The following STK3 variants were observed in gnomAD, a reference collection of about 807,000 sequenced individuals.
STK3 encodes the protein serine/threonine-protein kinase 3.
Under a neutral mutation model 58.0 loss-of-function variants are expected in STK3, and 41 were observed. The observed-to-expected ratio is 0.71, with a 90% CI of 0.55 to 0.92. STK3 has a LOEUF of 0.92. STK3 is among the 40% of genes least tolerant of loss of function. STK3 has a pLI of 0.00. For missense variants in STK3, 479 were observed against 602.7 expected, an observed-to-expected ratio of 0.79 and a Z score of 2.15; for synonymous variants, 170 against 191.0, an observed-to-expected ratio of 0.89 and a Z score of 0.91.
intron 1 of STK3, among the ~76,000 whole-genome samples, chr8:98,922,557 A>C (rs562814384): frequency 2.6e-5 from 4 of 152,274 alleles, no homozygotes; most frequent in Non-Finnish European, 5.9e-5. Context: ...CACCTAGCTC[A>C]GAACCTGGTA....
intron 3 of STK3, among the ~76,000 whole-genome samples, chr8:98,837,363 CA>C (rs533620773): frequency 0.09 from 5,699 of 63,280 alleles, 75 homozygotes; most frequent in South Asian, 0.15. Context: ...TGGAGCTCAG[CA>C]AAAAAAAAAA....
chr8:98,417,119 T>C (rs1416137644), intron 3 of STK3, among the ~76,000 whole-genome samples: 1 of 152,066 alleles, frequency 6.6e-6, no homozygotes, highest in African/African-American at 2.4e-5. Flanking sequence ...TGGGGAGGTG[T>C]TCAGGAACCT....
chr8:98,604,732 C>G (rs1816636306), intron 6 of STK3, among the ~76,000 whole-genome samples: 1 of 152,168 alleles, frequency 6.6e-6, no homozygotes, highest in African/African-American at 2.4e-5. Context: ...TTTTTCTTTT[C>G]TACCACATGG....
intron 9 of STK3, among the ~76,000 whole-genome samples, chr8:98,530,589 G>A (rs1826097007): frequency 6.6e-6 from 1 of 152,212 alleles, no homozygotes; most frequent in Non-Finnish European, 1.5e-5. Flanking sequence ...AGGCACCTGT[G>A]CTGCTTAGAA....
chr8:98,765,683 G>T (rs1198084261), intron 3 of STK3, among the ~76,000 whole-genome samples: 2 of 152,222 alleles, frequency 1.3e-5, no homozygotes, highest in African/African-American at 2.4e-5. Flanking sequence ...GTAGCCATGA[G>T]ATAATAAGCA....
chr8:98,861,770 G>A (rs1478053922), intron 3 of STK3, among the ~76,000 whole-genome samples: 1 of 152,180 alleles, frequency 6.6e-6, no homozygotes, highest in Non-Finnish European at 1.5e-5. Flanking sequence ...AGATAGTAAT[G>A]AGGCACTTGC....
intron 2 of STK3, among the ~76,000 whole-genome samples, chr8:98,435,818 G>T (rs2131084016): frequency 6.6e-6 from 1 of 152,300 alleles, no homozygotes; most frequent in Middle Eastern, 3.4e-3. Context: ...GCAGCACCCT[G>T]AGGGAGCCTG....
downstream of STK3, among the ~76,000 whole-genome samples, chr8:98,368,815 G>A (rs1339487437): frequency 6.6e-6 from 1 of 152,166 alleles, no homozygotes; most frequent in Non-Finnish European, 1.5e-5. Context: ...CTGTAACTTG[G>A]TGACCTTACG....
intron 3 of STK3, among the ~76,000 whole-genome samples, chr8:98,853,946 C>A (rs1367680489): frequency 6.6e-6 from 1 of 152,094 alleles, no homozygotes; most frequent in Non-Finnish European, 1.5e-5. Flanking sequence ...ACAAACTCTT[C>A]CAAAAATAGA....
chr8:98,520,617 T>C (rs1373799664), intron 10 of STK3, among the ~76,000 whole-genome samples: 2 of 152,154 alleles, frequency 1.3e-5, no homozygotes, highest in East Asian at 3.9e-4. Context: ...GAAAATATGG[T>C]CAAAACAACT....
chr8:98,807,721 A>G (rs1474793862), intron 1 of STK3, among the ~76,000 whole-genome samples: 1 of 152,228 alleles, frequency 6.6e-6, no homozygotes, highest in Non-Finnish European at 1.5e-5. Context: ...TAAAGGAGGA[A>G]AAGATAGAAA....
downstream of STK3, among the ~76,000 whole-genome samples, chr8:98,453,830 C>T (rs552792429): frequency 6.6e-6 from 1 of 151,880 alleles, no homozygotes; most frequent in East Asian, 1.9e-4. Flanking sequence ...CATTTGATTC[C>T]ATCAAATCAG....
At chr8:98,645,112 A>C (rs1293796321) in intron 6 of STK3, among the ~76,000 whole-genome samples, 2 of 152,338 alleles carry the variant, frequency 1.3e-5, no homozygotes, top group East Asian at 3.9e-4. Flanking sequence ...GGAGTTCATA[A>C]AGTTGAAATT....
At chr8:98,934,981 T>C (rs1437353743) in intron 1 of STK3, among the ~76,000 whole-genome samples, 1 of 148,406 alleles carries the variant, frequency 6.7e-6, no homozygotes, top group Non-Finnish European at 1.5e-5. Context: ...AGCACAAGCC[T>C]AGACATCCTA....
At position 98,428,743 on chromosome 8, in the gene STK3, T is replaced by C; in HGVS notation, n.483+5384A>G. 1 of 1,614,202 alleles carries C rather than the reference T, an allele frequency of 6.2e-7. No homozygotes were observed. Among genetic ancestry groups the C allele is most frequent in the Non-Finnish European group, 8.5e-7 (1 of 1,180,036 alleles). On this transcript the variant is annotated intron_variant and non_coding_transcript_variant, in intron 3 of 3. Coordinates refer to the STK3 transcript ENST00000517832. This position sits in a 1 kb window ranked among gnomAD's most constrained non-coding sequence, Gnocchi z 6.7. ...GCTGTGGCCCCTGACTTCCTCAAGT[T>C]CTTCAAGAATGCCCTAAACCTTATT... is the stretch of plus-strand genomic sequence containing the variant.
chr8:98,737,145 T>G (rs879521313), intron 4 of STK3, among the ~76,000 whole-genome samples: 11 of 152,162 alleles, frequency 7.2e-5, no homozygotes, highest in Non-Finnish European at 1.5e-4. Flanking sequence ...TTTTATATCT[T>G]TTTTTAGATT....
At chr8:98,514,369 A>T (rs990894142) in intron 10 of STK3, among the ~76,000 whole-genome samples, 11 of 152,076 alleles carry the variant, frequency 7.2e-5, no homozygotes, top group East Asian at 1.9e-4. Context: ...TATGTTTTTT[A>T]AAAAAAGTAA....
At chr8:98,587,804 T>G (rs571705287) in intron 7 of STK3, among the ~76,000 whole-genome samples, 1 of 152,306 alleles carries the variant, frequency 6.6e-6, no homozygotes, top group East Asian at 1.9e-4. Context: ...CATATATATT[T>G]AGTATAGTTA....
At chr8:98,852,935 T>C (rs1446585418) in intron 3 of STK3, among the ~76,000 whole-genome samples, 1 of 152,168 alleles carries the variant, frequency 6.6e-6, no homozygotes, top group Non-Finnish European at 1.5e-5. Flanking sequence ...AATGGATTTA[T>C]GTTACCCATT....
Sources: allele counts gnomAD v4.1 joint callset (sites outside exome capture counted in the v4.1 genomes callset), GRCh38; gene constraint gnomAD v4.1.1; non-coding constraint Gnocchi (gnomAD v3.1); transcripts MANE v1.5; gene names NCBI Gene and HGNC (gene_info 2026-07-23, HGNC 2026-07-21).